KCNC2: variants seen among roughly 807,000 people sequenced by gnomAD.
KCNC2 encodes potassium voltage-gated channel subfamily C member 2.
A neutral mutation model predicts 44.5 loss-of-function variants in KCNC2; 21 were observed. The observed-to-expected ratio is 0.47, with a 90% CI of 0.33 to 0.68. The LOEUF (loss-of-function observed/expected upper bound fraction) is 0.68, where lower values mean the gene tolerates loss of function less well. Ranked by LOEUF, KCNC2 falls within the 30% of genes least tolerant of loss-of-function variation. KCNC2 has a pLI of 0.01. For synonymous variants in KCNC2, 391 were observed against 339.1 expected (o/e 1.15, Z -1.68); for missense variants, 589 against 826.2 (o/e 0.71, Z 3.52).
chr12:75,166,152 G>A (rs1295186934), intron 2 of KCNC2, among the ~76,000 whole-genome samples: 2 of 150,680 alleles, frequency 1.3e-5, no homozygotes, highest in Admixed American at 1.3e-4. Flanking sequence ...GGCAAAAATT[G>A]GTATGAGAGA....
intron 2 of KCNC2, among the ~76,000 whole-genome samples, chr12:75,095,203 A>G (rs1885819578): frequency 6.6e-6 from 1 of 151,834 alleles, no homozygotes; most frequent in Non-Finnish European, 1.5e-5. Context: ...CCACCATGCT[A>G]CTGCTTTCAT....
At chr12:75,090,133 G>A (rs1339177584) in intron 2 of KCNC2, among the ~76,000 whole-genome samples, 1 of 151,658 alleles carries the variant, frequency 6.6e-6, no homozygotes, top group Non-Finnish European at 1.5e-5. Flanking sequence ...CAACAGTCTA[G>A]ATGGCATCTC....
intron 2 of KCNC2, among the ~76,000 whole-genome samples, chr12:75,116,381 TA>T (rs1313091062): frequency 2.6e-5 from 4 of 152,090 alleles, no homozygotes; most frequent in African/African-American, 7.2e-5. Context: ...ATAATAATAA[TA>T]AAGTTAAGGG....
intron 2 of KCNC2, among the ~76,000 whole-genome samples, chr12:75,171,597 G>A (rs1891821541): frequency 6.6e-6 from 1 of 151,858 alleles, no homozygotes; most frequent in African/African-American, 2.4e-5. Context: ...CTTGAAGGTA[G>A]TGAGTAGAAT....
chr12:75,067,097 G>A (rs1882907153), intron 2 of KCNC2, among the ~76,000 whole-genome samples: 1 of 152,262 alleles, frequency 6.6e-6, no homozygotes, highest in Middle Eastern at 3.4e-3. Context: ...AGCTACTCAG[G>A]AGGCAGAAGT....
chr12:75,110,012 A>T (rs139705865), intron 2 of KCNC2, among the ~76,000 whole-genome samples: 1 of 152,158 alleles, frequency 6.6e-6, no homozygotes, highest in Admixed American at 6.5e-5. Flanking sequence ...ATATAAAAAA[A>T]TCATGGGAGT....
chr12:75,094,073 G>A (rs915252201), intron 2 of KCNC2, among the ~76,000 whole-genome samples: 1 of 151,498 alleles, frequency 6.6e-6, no homozygotes, highest in African/African-American at 2.4e-5. Flanking sequence ...TTCCCCTTTG[G>A]GTTGAGATTC....
intron 2 of KCNC2, among the ~76,000 whole-genome samples, chr12:75,088,554 G>A (rs1227756850): frequency 6.6e-6 from 1 of 151,958 alleles, no homozygotes; most frequent in Non-Finnish European, 1.5e-5. Context: ...AGCAACCATA[G>A]ATCTTAGTTT....
chr12:75,161,710 T>C (rs1404858384), intron 2 of KCNC2, among the ~76,000 whole-genome samples: 2 of 151,728 alleles, frequency 1.3e-5, no homozygotes, highest in Non-Finnish European at 2.9e-5. Context: ...TACACTGGAA[T>C]GTGAATTGCT....
intron 2 of KCNC2, among the ~76,000 whole-genome samples, chr12:75,158,896 G>A (rs1890935776): frequency 6.6e-6 from 1 of 151,706 alleles, no homozygotes; most frequent in Non-Finnish European, 1.5e-5. Context: ...GTCCTAATCA[G>A]GCTCAAGTTA....
chr12:75,071,214 G>A (rs940023738), intron 2 of KCNC2, among the ~76,000 whole-genome samples: 6 of 151,956 alleles, frequency 3.9e-5, no homozygotes, highest in Admixed American at 6.6e-5. Flanking sequence ...TATGCAAAAG[G>A]CATTACATAA....
chr12:75,131,388 T>G (rs1008155635), intron 2 of KCNC2, among the ~76,000 whole-genome samples: 3 of 152,170 alleles, frequency 2.0e-5, no homozygotes, highest in Non-Finnish European at 4.4e-5. Flanking sequence ...AAAGAACTAC[T>G]GAAAGCAGTG....
At chr12:75,179,251 A>C (rs561324146) in intron 2 of KCNC2, among the ~76,000 whole-genome samples, 54 of 152,078 alleles carry the variant, frequency 3.6e-4, no homozygotes, top group South Asian at 2.1e-3. Context: ...GTCTTTAAAC[A>C]TTCAGAGGGC....
At chr12:75,058,903 C>A (rs1882024029) in intron 2 of KCNC2, among the ~76,000 whole-genome samples, 1 of 152,028 alleles carries the variant, frequency 6.6e-6, no homozygotes, top group Non-Finnish European at 1.5e-5. Context: ...AGTACTTTTT[C>A]TTCCTTAAGA....
Position 75,040,932 on chromosome 12 carries a change from C to T in KCNC2, c.*2173G>A, listed in dbSNP as rs746316953. On this transcript the variant is annotated 3_prime_UTR_variant, in exon 5 of 5. Coordinates refer to ENST00000549446, the MANE Select transcript of KCNC2 (RefSeq NM_139137.4). ...ATGAGAAATGGCCAAGACTGTTGAC[C>T]CATGCACACATGTTGGTATTTACAG... 8.4e-6 allele frequency: 5 copies of T among 594,350 alleles called. No homozygotes were observed. Among genetic ancestry groups the T allele is most frequent in the Non-Finnish European group, 1.5e-5 (5 of 332,954 alleles). The allele number at this position is 594,350 out of a possible 1,614,324, so 36.8% of individuals were successfully genotyped here. A position where few individuals can be genotyped will look rare whatever the true frequency, so the allele number is the denominator to read the frequency against.
At chr12:75,073,599 G>C (rs910677337) in intron 2 of KCNC2, among the ~76,000 whole-genome samples, 5 of 152,158 alleles carry the variant, frequency 3.3e-5, no homozygotes, top group Non-Finnish European at 7.4e-5. Context: ...CAATTTGAAA[G>C]ACTGCACTTA....
Position 75,084,668 on chromosome 12 carries a change from C to A in KCNC2, c.688-33351G>T, listed in dbSNP as rs138115436. ...CTCTTTCTTTTGTAAATAGCCCAGT[C>A]TCAGGTATGTCTTTATCAGCATCAT... On this transcript the variant is annotated intron_variant, in intron 2 of 4. Coordinates refer to ENST00000549446, the MANE Select transcript of KCNC2 (RefSeq NM_139137.4). 3.9e-5 allele frequency among the ~76,000 whole-genome samples: 6 copies of A among 152,034 alleles called. No homozygotes were observed. In the East Asian group the frequency reaches 1.2e-3, roughly 29 times the overall value.
At chr12:75,059,079 A>G (rs891814638) in intron 2 of KCNC2, among the ~76,000 whole-genome samples, 36 of 152,172 alleles carry the variant, frequency 2.4e-4, no homozygotes, top group African/African-American at 7.7e-4. Flanking sequence ...AAGTACTTGC[A>G]AACTCTTCCC....
At chr12:75,126,359 T>C (rs1287327882) in intron 2 of KCNC2, among the ~76,000 whole-genome samples, 1 of 152,186 alleles carries the variant, frequency 6.6e-6, no homozygotes. Flanking sequence ...CACGCACATA[T>C]TTACTCAACA....
Sources: allele counts gnomAD v4.1 joint callset (sites outside exome capture counted in the v4.1 genomes callset), GRCh38; gene constraint gnomAD v4.1.1; transcripts MANE v1.5; gene names NCBI Gene and HGNC (gene_info 2026-07-23, HGNC 2026-07-21).